The following GLIS3 variants were observed in gnomAD, a reference collection of about 807,000 sequenced individuals.
The protein encoded by GLIS3 is zinc finger protein GLIS3.
A neutral mutation model predicts 78.6 loss-of-function variants in GLIS3; 53 were observed. The ratio of observed to expected loss-of-function variants is 0.67; its 90% CI spans 0.54 to 0.85. The LOEUF (loss-of-function observed/expected upper bound fraction) is 0.85, where lower values mean the gene tolerates loss of function less well. Ranked by LOEUF, GLIS3 falls within the 40% of genes least tolerant of loss-of-function variation. GLIS3 has a pLI of 0.00. For synonymous variants in GLIS3, 684 were observed against 509.9 expected (o/e 1.34, Z -4.60); for missense variants, 1,703 against 1,231.1 (o/e 1.38, Z -5.74).
intron 2 of GLIS3, among the ~76,000 whole-genome samples, chr9:4,242,997 G>A (rs1182515695): frequency 2.6e-5 from 4 of 151,886 alleles, no homozygotes; most frequent in African/African-American, 9.7e-5. Context: ...GCTCTGCCTT[G>A]TATGTACATC....
At chr9:4,447,301 C>A in the GLIS3 span, among the ~76,000 whole-genome samples, 1 of 152,084 alleles carries the variant, frequency 6.6e-6, no homozygotes, top group African/African-American at 2.4e-5. Context: ...CCTGCCTTGG[C>A]CTCCTAAAGT....
chr9:4,340,928 C>T (rs540338350), intron 2 of GLIS3, among the ~76,000 whole-genome samples: 8 of 152,106 alleles, frequency 5.3e-5, no homozygotes, highest in Non-Finnish European at 8.8e-5. Flanking sequence ...ACACCTGCCT[C>T]GGCCTCCCAA....
At chr9:4,264,885 G>A (rs756062353) in intron 2 of GLIS3, among the ~76,000 whole-genome samples, 2 of 151,968 alleles carry the variant, frequency 1.3e-5, no homozygotes, top group East Asian at 1.9e-4. Context: ...AACAATCTTC[G>A]GCCAGGCACA....
the GLIS3 span, among the ~76,000 whole-genome samples, chr9:4,355,816 G>T: frequency 6.6e-6 from 1 of 152,162 alleles, no homozygotes; most frequent in Non-Finnish European, 1.5e-5. Flanking sequence ...AGAGTCAGTG[G>T]TGGCAAAACA....
chr9:4,123,576 G>C, intron 3 of GLIS3: 1 of 340,142 alleles, frequency 2.9e-6, no homozygotes, highest in Non-Finnish European at 5.2e-6. Context: ...TCTTTATAAA[G>C]TGGAATCCTG....
At chr9:3,829,975 T>C (rs1817953425) in intron 9 of GLIS3, among the ~76,000 whole-genome samples, 1 of 152,212 alleles carries the variant, frequency 6.6e-6, no homozygotes, top group Non-Finnish European at 1.5e-5. Flanking sequence ...GAGAAATACA[T>C]GCACATTTAG....
intron 2 of GLIS3, among the ~76,000 whole-genome samples, chr9:4,138,343 A>G (rs569739031): frequency 3.3e-5 from 5 of 152,338 alleles, no homozygotes. Context: ...CCCTTGGTCA[A>G]AGATCTTACA....
At chr9:4,444,669 C>G in the GLIS3 span, among the ~76,000 whole-genome samples, 6 of 152,232 alleles carry the variant, frequency 3.9e-5, no homozygotes, top group Non-Finnish European at 7.3e-5. Context: ...CTTTCACTCC[C>G]TTTAGATGAA....
chr9:4,037,392 A>T (rs1382398606), intron 4 of GLIS3, among the ~76,000 whole-genome samples: 1 of 152,200 alleles, frequency 6.6e-6, no homozygotes, highest in Non-Finnish European at 1.5e-5. Flanking sequence ...TCGATCTGAT[A>T]GGTTATCAGG....
chr9:4,422,251 T>A, the GLIS3 span, among the ~76,000 whole-genome samples: 2 of 152,256 alleles, frequency 1.3e-5, no homozygotes, highest in African/African-American at 4.8e-5. Context: ...TGTGTTTTAT[T>A]TTATGCATTG....
intron 6 of GLIS3, among the ~76,000 whole-genome samples, chr9:3,927,895 T>C (rs1410614108): frequency 6.6e-6 from 1 of 152,226 alleles, no homozygotes; most frequent in Non-Finnish European, 1.5e-5. Flanking sequence ...TATTTTTTCA[T>C]TTGAGTTTAA....
At chr9:4,176,195 G>GA (rs1188663930) in intron 2 of GLIS3, among the ~76,000 whole-genome samples, 1 of 151,910 alleles carries the variant, frequency 6.6e-6, no homozygotes, top group Admixed American at 6.6e-5. Flanking sequence ...GTCAGGAAGA[G>GA]AAAAAAACTC....
At chr9:4,253,882 T>C (rs190689801) in intron 2 of GLIS3, among the ~76,000 whole-genome samples, 1 of 152,264 alleles carries the variant, frequency 6.6e-6, no homozygotes, top group Non-Finnish European at 1.5e-5. Context: ...CCCCTTGCAC[T>C]TCCCGGGTAA....
At chr9:4,038,526 C>T (rs192622924) in intron 4 of GLIS3, among the ~76,000 whole-genome samples, 25 of 152,172 alleles carry the variant, frequency 1.6e-4, no homozygotes, top group African/African-American at 5.8e-4. Context: ...ATCCAATACA[C>T]TTTCCCAGGC....
intron 2 of GLIS3, among the ~76,000 whole-genome samples, chr9:4,202,314 C>A (rs1432736841): frequency 6.6e-6 from 1 of 151,304 alleles, no homozygotes; most frequent in Non-Finnish European, 1.5e-5. Flanking sequence ...CCATGCCTGG[C>A]TAATTTTTTT....
chr9:4,077,189 T>C (rs572429252), intron 4 of GLIS3, among the ~76,000 whole-genome samples: 1 of 152,346 alleles, frequency 6.6e-6, no homozygotes, highest in African/African-American at 2.4e-5. Context: ...AAAAAAATTG[T>C]CAGCAACTTT....
At position 4,021,094 on chromosome 9, in the gene GLIS3, G is replaced by A. The variant is rs572545456; in HGVS notation, c.1711-83905C>T. Among the ~76,000 whole-genome samples, 3 of 152,260 alleles carry A rather than the reference G, an allele frequency of 2.0e-5. No individual in the cohort carries two copies. The South Asian group carries it at 6.2e-4, about 32-fold the overall frequency. ...AAGAGCTCAGAAAGTCTCTGAAACT[G>A]TCACCTCAGCATTTTACTACATCAT... On this transcript the variant is annotated intron_variant, in intron 4 of 10. Coordinates refer to ENST00000381971, the MANE Select transcript of GLIS3 (RefSeq NM_001042413.2).
intron 2 of GLIS3, among the ~76,000 whole-genome samples, chr9:4,250,051 G>A (rs1824205327): frequency 6.6e-6 from 1 of 152,174 alleles, no homozygotes; most frequent in Non-Finnish European, 1.5e-5. Flanking sequence ...TTGCATTGAT[G>A]TTCATCAGGG....
intron 2 of GLIS3, among the ~76,000 whole-genome samples, chr9:4,217,791 C>G (rs1820985539): frequency 6.6e-6 from 1 of 152,196 alleles, no homozygotes; most frequent in Admixed American, 6.5e-5. Flanking sequence ...TCCCAAATCA[C>G]AATTCAAACA....
Sources: gnomAD v4.1 joint callset for allele counts (sites outside exome capture counted in the v4.1 genomes callset) on GRCh38, gnomAD v4.1.1 for gene constraint, MANE v1.5 for transcripts, NCBI Gene and HGNC (gene_info 2026-07-23, HGNC 2026-07-21) for gene names.